Variants in BMP5 observed in about 807,000 individuals in gnomAD.
BMP5 encodes bone morphogenetic protein 5.
Under a neutral mutation model 46.6 loss-of-function variants are expected in BMP5, and 23 were observed. That is an observed-to-expected ratio of 0.49 (90% CI 0.35 to 0.70). The LOEUF (loss-of-function observed/expected upper bound fraction) is 0.70. BMP5 is among the 30% of genes least tolerant of loss of function. The probability of loss-of-function intolerance (pLI) is 0.00; values close to 1 mark genes in which losing one functional copy is unlikely to be tolerated. For missense variants in BMP5, 545 were observed against 565.6 expected, an observed-to-expected ratio of 0.96 and a Z score of 0.37; for synonymous variants, 204 against 191.9, an observed-to-expected ratio of 1.06 and a Z score of -0.52.
chr6:55,847,293 C>T (rs1177699370), intron 1 of BMP5, among the ~76,000 whole-genome samples: 1 of 151,878 alleles, frequency 6.6e-6, no homozygotes, highest in Admixed American at 6.6e-5. Context: ...TCAACCAGGG[C>T]AGTCCCAGCA....
At chr6:55,819,426 G>T (rs1229581173) in intron 2 of BMP5, among the ~76,000 whole-genome samples, 1 of 152,102 alleles carries the variant, frequency 6.6e-6, no homozygotes, top group Non-Finnish European at 1.5e-5. Context: ...AGAAGCATGA[G>T]ACTATTTAGT....
intron 4 of BMP5, among the ~76,000 whole-genome samples, chr6:55,770,577 T>C (rs1582050289): frequency 6.6e-6 from 1 of 151,932 alleles, no homozygotes; most frequent in African/African-American, 2.4e-5. Context: ...GTCATACTTA[T>C]AATTTTCTTC....
rs576742703 is a variant in BMP5, at chr6:55,819,107, A to G, written c.683+548T>C. 1.6e-4 allele frequency among the ~76,000 whole-genome samples: 24 copies of G among 152,276 alleles called. No individual in the cohort carries two copies. In the East Asian group the frequency reaches 4.6e-3, roughly 29 times the overall value. On this transcript the variant is annotated intron_variant, in intron 2 of 6. Transcript: ENST00000370830. ...GACTGATATTTAACACTTATTTTCAATGGTTCATTTGCAGTCATTATCAAC... is the reference window on the plus strand; with the variant it reads ...GACTGATATTTAACACTTATTTTCAGTGGTTCATTTGCAGTCATTATCAAC...
At chr6:55,773,032 T>C (rs1002936536) in intron 4 of BMP5, 2 of 584,338 alleles carry the variant, frequency 3.4e-6, no homozygotes, top group South Asian at 7.5e-5. Context: ...CTGAGAAAAA[T>C]GAAGATTTTA....
At chr6:55,855,615 T>A (rs925741838) in intron 1 of BMP5, among the ~76,000 whole-genome samples, 2 of 152,202 alleles carry the variant, frequency 1.3e-5, no homozygotes, top group Non-Finnish European at 2.9e-5. Context: ...ACTCAGCACA[T>A]TTTGCTTTCA....
At position 55,759,112 on chromosome 6, in the gene BMP5, A is replaced by G; in HGVS notation, c.1108T>C (p.Trp370Arg). The G allele has an allele frequency of 8.8e-7, 1 of 1,137,936 alleles. No homozygotes were observed. Among genetic ancestry groups the G allele is most frequent in the Non-Finnish European group, 1.2e-6 (1 of 802,960 alleles). 70.5% of individuals were successfully genotyped at this position (1,137,936 alleles called of 1,614,324 possible). Residue 370 changes from tryptophan to arginine, a missense_variant, in exon 6 of 7, where the codon TGG (tryptophan) becomes CGG (arginine). By Grantham distance (101) the Trp-to-Arg change is moderately radical. Coordinates refer to ENST00000370830, the MANE Select transcript of BMP5 (RefSeq NM_021073.4). ...GCGTATCCTTCTGGTGCTATAATCC[A>G]GTCCTGACACATACACACACACACA... ...VSFRDLGWQD[W>R]IIAPEGYAAF...
chr6:55,822,630 T>G (rs1186314051), intron 1 of BMP5, among the ~76,000 whole-genome samples: 1 of 152,108 alleles, frequency 6.6e-6, no homozygotes, highest in Non-Finnish European at 1.5e-5. Flanking sequence ...AAATAAAGGC[T>G]AAGACATGAG....
At position 55,798,691 on chromosome 6, in the gene BMP5, T is replaced by C. The variant is rs116464769; in HGVS notation, c.684-4264A>G. 2.0e-3 allele frequency among the ~76,000 whole-genome samples: 307 copies of C among 152,258 alleles called. 1 individual carries two copies. The highest frequency in any genetic ancestry group is 0.013 in the South Asian group (61 of 4,830). ...AATATTAAGTTTAGCTGCTCAAAGG[T>C]GAATAGTAATATATAATATATACAT... On this transcript the variant is annotated intron_variant, in intron 2 of 6. Coordinates refer to ENST00000370830, the MANE Select transcript of BMP5 (RefSeq NM_021073.4).
intron 1 of BMP5, among the ~76,000 whole-genome samples, chr6:55,869,775 C>T (rs1777736160): frequency 6.6e-6 from 1 of 152,158 alleles, no homozygotes; most frequent in Admixed American, 6.5e-5. Flanking sequence ...GCCAGGGCAG[C>T]TCTGATGCCC....
intron 4 of BMP5, among the ~76,000 whole-genome samples, chr6:55,772,465 T>G (rs1775071260): frequency 6.6e-6 from 1 of 151,994 alleles, no homozygotes; most frequent in Non-Finnish European, 1.5e-5. Context: ...CAAAACTTTT[T>G]CTTAATACAG....
intron 1 of BMP5, among the ~76,000 whole-genome samples, chr6:55,867,543 G>A (rs1777678375): frequency 6.6e-6 from 1 of 152,142 alleles, no homozygotes; most frequent in Non-Finnish European, 1.5e-5. Context: ...AGGGATGAAT[G>A]GGACATGGTT....
intron 4 of BMP5, among the ~76,000 whole-genome samples, chr6:55,768,248 T>C (rs886658570): frequency 2.6e-5 from 4 of 151,938 alleles, no homozygotes; most frequent in Admixed American, 6.6e-5. Context: ...AGAACAAGAA[T>C]AGAATGTTTC....
At chr6:55,804,451 A>G (rs981876628) in intron 2 of BMP5, among the ~76,000 whole-genome samples, 2 of 152,208 alleles carry the variant, frequency 1.3e-5, no homozygotes, top group Non-Finnish European at 2.9e-5. Flanking sequence ...TGGGAAACCT[A>G]GCCTTCAGAA....
At chr6:55,871,238 C>G (rs1777781264) in intron 1 of BMP5, among the ~76,000 whole-genome samples, 1 of 151,666 alleles carries the variant, frequency 6.6e-6, no homozygotes, top group South Asian at 2.1e-4. Context: ...TAAAACTAAA[C>G]AGAAAAACAT....
At chr6:55,861,396 T>C (rs1478118756) in intron 1 of BMP5, among the ~76,000 whole-genome samples, 4 of 152,242 alleles carry the variant, frequency 2.6e-5, no homozygotes, top group Admixed American at 6.5e-5. Flanking sequence ...ACCCTTCTTT[T>C]AAGGCCTATT....
chr6:55,803,115 G>A (rs796349169), intron 2 of BMP5, among the ~76,000 whole-genome samples: 28 of 122,686 alleles, frequency 2.3e-4, no homozygotes, highest in African/African-American at 8.4e-4. Flanking sequence ...GCAAAACCCC[G>A]TCTCCACTAA....
At chr6:55,762,518 T>C (rs968609171) in intron 4 of BMP5, among the ~76,000 whole-genome samples, 1 of 152,170 alleles carries the variant, frequency 6.6e-6, no homozygotes, top group Non-Finnish European at 1.5e-5. Flanking sequence ...AATAAGTAGA[T>C]AATGGGAAAT....
At chr6:55,813,668 T>C (rs1051249392) in intron 2 of BMP5, among the ~76,000 whole-genome samples, 1 of 151,562 alleles carries the variant, frequency 6.6e-6, no homozygotes, top group Non-Finnish European at 1.5e-5. Context: ...GCGCCTGTAG[T>C]CCCAGCTACT....
chr6:55,869,170 A>T (rs555147844), intron 1 of BMP5, among the ~76,000 whole-genome samples: 46 of 152,258 alleles, frequency 3.0e-4, no homozygotes, highest in African/African-American at 1.1e-3. Flanking sequence ...GTACACACAT[A>T]CTGAGACAAC....
Sources: gnomAD v4.1 joint callset for allele counts (sites outside exome capture counted in the v4.1 genomes callset) on GRCh38, gnomAD v4.1.1 for gene constraint, MANE v1.5 for transcripts, NCBI Gene and HGNC (gene_info 2026-07-23, HGNC 2026-07-21) for gene names.